The following EVI5 variants were observed in gnomAD, a reference collection of about 807,000 sequenced individuals.
EVI5 encodes ecotropic viral integration site 5 protein homolog.
A neutral mutation model predicts 112.0 loss-of-function variants in EVI5; 73 were observed. The observed-to-expected ratio is 0.65, with a 90% CI of 0.54 to 0.79. The LOEUF is 0.79. EVI5 is among the 30% of genes least tolerant of loss of function. The probability of loss-of-function intolerance (pLI) is 0.00; values close to 1 mark genes in which losing one functional copy is unlikely to be tolerated. For synonymous variants in EVI5, 305 were observed against 319.9 expected (o/e 0.95, Z 0.50); for missense variants, 900 against 968.8 (o/e 0.93, Z 0.94).
chr1:92,650,025 C>A (rs371399238), intron 13 of EVI5, among the ~76,000 whole-genome samples: 11 of 152,306 alleles, frequency 7.2e-5, no homozygotes, highest in African/African-American at 2.6e-4. Context: ...ACTCTCATTT[C>A]TATTCCATTA....
At chr1:92,682,493 G>C (rs1056822540) in intron 9 of EVI5, among the ~76,000 whole-genome samples, 4 of 152,186 alleles carry the variant, frequency 2.6e-5, no homozygotes, top group African/African-American at 9.7e-5. Context: ...CAGGCATGGT[G>C]GCTCATGCCT....
intron 16 of EVI5, among the ~76,000 whole-genome samples, chr1:92,611,882 C>T (rs147376988): frequency 8.0e-5 from 12 of 150,936 alleles, no homozygotes; most frequent in East Asian, 3.9e-4. Flanking sequence ...GAACAGCCAC[C>T]GCACTCAAGC....
chr1:92,638,827 T>C (rs1659394624), intron 13 of EVI5, among the ~76,000 whole-genome samples: 1 of 152,112 alleles, frequency 6.6e-6, no homozygotes, highest in South Asian at 2.1e-4. Context: ...ATATAGGTGT[T>C]GAAGAGTTTA....
intron 19 of EVI5, among the ~76,000 whole-genome samples, chr1:92,558,101 A>G (rs1667962530): frequency 1.3e-5 from 2 of 152,106 alleles, no homozygotes; most frequent in African/African-American, 2.4e-5. Flanking sequence ...TCTGATTTAA[A>G]TAACTACGCT....
chr1:92,618,097 G>A (rs1160270098), intron 16 of EVI5, among the ~76,000 whole-genome samples: 1 of 152,124 alleles, frequency 6.6e-6, no homozygotes, highest in Non-Finnish European at 1.5e-5. Context: ...TACTTTGCAG[G>A]GCTGGGGCAA....
intron 18 of EVI5, among the ~76,000 whole-genome samples, chr1:92,592,271 C>T (rs1167258904): frequency 6.6e-6 from 1 of 152,130 alleles, no homozygotes; most frequent in Non-Finnish European, 1.5e-5. Context: ...GAAACTCACT[C>T]AAAACTGCTC....
chr1:92,664,484 T>TA (rs766269905), intron 11 of EVI5, among the ~76,000 whole-genome samples: 13 of 17,212 alleles, frequency 7.6e-4, no homozygotes, highest in Non-Finnish European at 9.9e-4. Flanking sequence ...CTCCAAAGAT[T>TA]TAAAAAAAAA....
chr1:92,584,507 A>G (rs1316288145), intron 18 of EVI5, among the ~76,000 whole-genome samples: 1 of 152,226 alleles, frequency 6.6e-6, no homozygotes, highest in African/African-American at 2.4e-5. Context: ...ACATCACCTT[A>G]CTGAAATATC....
intron 18 of EVI5, among the ~76,000 whole-genome samples, chr1:92,589,881 A>C (rs1022450015): frequency 6.6e-6 from 1 of 152,172 alleles, no homozygotes; most frequent in Non-Finnish European, 1.5e-5. Context: ...GGGCAGACTG[A>C]CACCTCACAC....
intron 19 of EVI5, among the ~76,000 whole-genome samples, chr1:92,563,131 G>GATTCAAGGTAGTACCAGTTTAAAA (rs1668889860): frequency 1.3e-5 from 2 of 152,126 alleles, no homozygotes; most frequent in Non-Finnish European, 2.9e-5. Flanking sequence ...GAATCTCACA[G>GATTCAAGGTAGTACCAGTTTAAAA]ATTCAAGGTA....
intron 19 of EVI5, among the ~76,000 whole-genome samples, chr1:92,515,475 A>G (rs1659715466): frequency 2.0e-5 from 3 of 152,214 alleles, no homozygotes; most frequent in East Asian, 1.9e-4. Flanking sequence ...TGATTTTGAC[A>G]TTCTGTCACT....
intron 16 of EVI5, among the ~76,000 whole-genome samples, chr1:92,619,656 G>A (rs940154931): frequency 2.6e-5 from 4 of 151,690 alleles, no homozygotes; most frequent in Non-Finnish European, 4.4e-5. Context: ...ACAGTGGCTC[G>A]TGACTGTAAT....
chr1:92,758,571 C>CAAA (rs11369948), intron 1 of EVI5, among the ~76,000 whole-genome samples: 14 of 129,232 alleles, frequency 1.1e-4, no homozygotes, highest in African/African-American at 2.6e-4. Flanking sequence ...CCCTGTCTCA[C>CAAA]AAAAAAAAAA....
chr1:92,662,923 C>A, intron 12 of EVI5, 58 bp from the exon 13 acceptor site: 1 of 965,482 alleles, frequency 1.0e-6, no homozygotes, highest in South Asian at 2.3e-5. Flanking sequence ...AGAAAGACTG[C>A]CTTTGTGAGG....
intron 18 of EVI5, among the ~76,000 whole-genome samples, chr1:92,565,945 G>A (rs1365196024): frequency 2.0e-4 from 1 of 4,956 alleles, no homozygotes; most frequent in Non-Finnish European, 3.1e-4. Context: ...ATTCCAGCCC[G>A]AGCAAAAAAA....
chr1:92,721,246 T>G (rs1246898379), intron 2 of EVI5, among the ~76,000 whole-genome samples: 1 of 152,212 alleles, frequency 6.6e-6, no homozygotes, highest in Non-Finnish European at 1.5e-5. Context: ...ATTGCGGCAC[T>G]ATTCACAATA....
chr1:92,782,482 C>A (rs538786371), intron 1 of EVI5, among the ~76,000 whole-genome samples: 49 of 152,174 alleles, frequency 3.2e-4, no homozygotes, highest in Admixed American at 7.8e-4. Flanking sequence ...AGGCACTTCA[C>A]AAGAGGAAAT....
chr1:92,669,902 G>C (rs1204342170), intron 10 of EVI5, among the ~76,000 whole-genome samples: 1 of 151,924 alleles, frequency 6.6e-6, no homozygotes, highest in Non-Finnish European at 1.5e-5. Context: ...CCTAGATATA[G>C]CTACATACAA....
intron 13 of EVI5, among the ~76,000 whole-genome samples, chr1:92,640,986 G>A (rs549494372): frequency 4.0e-4 from 61 of 152,182 alleles, no homozygotes; most frequent in Non-Finnish European, 7.2e-4. Flanking sequence ...ACCAAACACC[G>A]TATGTTCTCA....
Sources: allele counts gnomAD v4.1 joint callset (sites outside exome capture counted in the v4.1 genomes callset), GRCh38; gene constraint gnomAD v4.1.1; transcripts MANE v1.5; gene names NCBI Gene and HGNC (gene_info 2026-07-23, HGNC 2026-07-21).